The following RXFP1 variants were observed in gnomAD, a reference collection of about 807,000 sequenced individuals.
The protein encoded by RXFP1 is relaxin family peptide receptor 1.
A neutral mutation model predicts 89.8 loss-of-function variants in RXFP1; 73 were observed. The ratio of observed to expected loss-of-function variants is 0.81; its 90% confidence interval spans 0.67 to 0.99. RXFP1 has a LOEUF of 0.99. Among genes scored for constraint, RXFP1 ranks in the 50% least tolerant of loss-of-function variants. RXFP1 has a pLI of 0.00. For missense variants in RXFP1, 793 were observed against 895.5 expected (o/e 0.89, Z 1.46); for synonymous variants, 277 against 305.5 (o/e 0.91, Z 0.97).
chr4:158,536,292 T>C (rs1745262416), intron 1 of RXFP1, among the ~76,000 whole-genome samples: 1 of 152,224 alleles, frequency 6.6e-6, no homozygotes, highest in South Asian at 2.1e-4. Context: ...TATTTACATT[T>C]TAATCAATAG....
intron 3 of RXFP1, 96 bp downstream of exon 3, chr4:158,593,595 A>G: frequency 1.6e-6 from 1 of 629,116 alleles, no homozygotes; most frequent in Non-Finnish European, 2.6e-6. Context: ...TTGCATCTCA[A>G]TCTGGAAATC....
chr4:158,536,400 A>G (rs1745287083), intron 1 of RXFP1, among the ~76,000 whole-genome samples: 1 of 152,206 alleles, frequency 6.6e-6, no homozygotes. Flanking sequence ...ATGATGAAAC[A>G]GTGCTGAAAG....
At chr4:158,542,109 A>ATATATATATATATATATTTTTTTT in intron 1 of RXFP1, among the ~76,000 whole-genome samples, 18 of 35,232 alleles carry the variant, frequency 5.1e-4, no homozygotes, top group South Asian at 8.1e-4. Flanking sequence ...ATATATATAT[A>ATATATATATATATATATTTTTTTT]TTTTTTTTTT....
rs143784706 is a variant in RXFP1 at position 158,610,122 on chromosome 4, G to A, written c.537-2008G>A. ...CTACTAAAAATACAAAAAATTAGCCGGGCATGGTGGCACACGCCTGTAGTC... is the reference window on the plus strand; with the variant it reads ...CTACTAAAAATACAAAAAATTAGCCAGGCATGGTGGCACACGCCTGTAGTC... On this transcript the variant is annotated intron_variant, in intron 6 of 17. Coordinates refer to ENST00000307765, the MANE Select transcript of RXFP1 (RefSeq NM_021634.4). 9.0e-4 allele frequency among the ~76,000 whole-genome samples: 137 copies of A among 152,136 alleles called. 1 individual carries two copies. Among genetic ancestry groups the A allele is most frequent in the African/African-American group, 3.1e-3 (130 of 41,502 alleles).
intron 3 of RXFP1, 180 bp from the exon 4 acceptor site, chr4:158,599,146 G>A: frequency 2.2e-6 from 2 of 907,892 alleles, no homozygotes; most frequent in Non-Finnish European, 3.2e-6. Flanking sequence ...TCATTTTAAG[G>A]TTAAATTAAA....
intron 9 of RXFP1, among the ~76,000 whole-genome samples, chr4:158,626,117 TAGATAGATAG>T (rs1561157271): frequency 1.9e-5 from 1 of 54,030 alleles, no homozygotes; most frequent in Non-Finnish European, 4.3e-5. Context: ...TCTATATAGA[TAGATAGATAG>T]ATAGATAGAT....
At chr4:158,606,766 T>C (rs1004384672) in intron 5 of RXFP1, among the ~76,000 whole-genome samples, 1 of 151,300 alleles carries the variant, frequency 6.6e-6, no homozygotes, top group African/African-American at 2.4e-5. Context: ...TTTTTTTTTT[T>C]AGAGAGATAG....
At chr4:158,581,858 G>A (rs910317242) in intron 2 of RXFP1, among the ~76,000 whole-genome samples, 12 of 152,144 alleles carry the variant, frequency 7.9e-5, no homozygotes, top group African/African-American at 2.9e-4. Context: ...CAAAAAGCAG[G>A]GTACCAGCAT....
chr4:158,648,757 T>C (rs1161338299), intron 17 of RXFP1, 40 bp downstream of exon 17: 1 of 1,220,442 alleles, frequency 8.2e-7, no homozygotes. Flanking sequence ...ATAATAAATC[T>C]GTTTTTACAG....
In RXFP1 at chr4:158,540,495, G is replaced by A. The variant is rs1456068420; in HGVS notation, c.49+18470G>A. On this transcript the variant is annotated intron_variant, in intron 1 of 17. Transcript: ENST00000307765. ...CTTGTCACCATCTTGGTTTTGGAAG[G>A]TTTTGGCTGGCTTCTGTACCGCAAC... Among the ~76,000 whole-genome samples, 3 of 151,680 alleles carry A rather than the reference G, an allele frequency of 2.0e-5. No individual in the cohort carries two copies. In the East Asian group the frequency reaches 5.8e-4, roughly 29 times the overall value.
intron 9 of RXFP1, among the ~76,000 whole-genome samples, chr4:158,625,222 G>A (rs894094891): frequency 6.6e-6 from 1 of 152,124 alleles, no homozygotes; most frequent in Non-Finnish European, 1.5e-5. Flanking sequence ...AGCACTATAA[G>A]TGATTAGCTT....
At chr4:158,607,145 G>C (rs1386198291) in intron 5 of RXFP1, 1 of 1,530,052 alleles carries the variant, frequency 6.5e-7, no homozygotes, top group Admixed American at 2.0e-5. Context: ...AGTACACATA[G>C]AAGTGCAAAA....
intron 2 of RXFP1, among the ~76,000 whole-genome samples, chr4:158,585,011 G>C (rs182488234): frequency 6.6e-6 from 1 of 152,118 alleles, no homozygotes; most frequent in Non-Finnish European, 1.5e-5. Flanking sequence ...TTTCTAATTC[G>C]GTGCATCTGA....
intron 2 of RXFP1, among the ~76,000 whole-genome samples, chr4:158,583,853 C>A (rs935880444): frequency 6.6e-6 from 1 of 152,196 alleles, no homozygotes; most frequent in South Asian, 2.1e-4. Context: ...GATAATGTCA[C>A]ATCCTTTGAT....
chr4:158,525,928 A>G (rs1199531771), intron 1 of RXFP1, among the ~76,000 whole-genome samples: 2 of 152,232 alleles, frequency 1.3e-5, no homozygotes, highest in Non-Finnish European at 2.9e-5. Flanking sequence ...CTTAAATTAT[A>G]ATATAGAATT....
Position 158,652,017 on chromosome 4 carries a change from C to A in RXFP1, c.2236C>A (p.Leu746Met). 6.2e-7 allele frequency: 1 copy of A among 1,613,258 alleles called. No individual in the cohort carries two copies. Among genetic ancestry groups the A allele is most frequent in the East Asian group, 2.2e-5 (1 of 44,862 alleles). Residue 746 changes from leucine to methionine, a missense_variant, in exon 18 of 18, where the codon CTG becomes ATG. Transcript: ENST00000307765. Reference sequence around the variant, plus strand: ...TTTCACATACCCCTGTGAAATGTCACTGATTTCTCAATCAACGAGACTCAA... The same window carrying A: ...TTTCACATACCCCTGTGAAATGTCAATGATTTCTCAATCAACGAGACTCAA... ...DLFTYPCEMS[L>M]ISQSTRLNSY...
chr4:158,597,309 T>C (rs1760820801), intron 3 of RXFP1, among the ~76,000 whole-genome samples: 4 of 152,156 alleles, frequency 2.6e-5, no homozygotes. Flanking sequence ...AAATATAATA[T>C]CTATCATGAG....
At chr4:158,592,347 G>A (rs551287153) in intron 2 of RXFP1, among the ~76,000 whole-genome samples, 2 of 151,982 alleles carry the variant, frequency 1.3e-5, no homozygotes, top group Admixed American at 1.3e-4. Context: ...GCCGAGGCTG[G>A]TGGATCACCT....
At chr4:158,573,539 A>C in intron 2 of RXFP1, among the ~76,000 whole-genome samples, 1 of 151,922 alleles carries the variant, frequency 6.6e-6, no homozygotes, top group East Asian at 1.9e-4. Flanking sequence ...ATGTAAGTGT[A>C]TTTTATGTGT....
Sources: gnomAD v4.1 joint callset for allele counts (sites outside exome capture counted in the v4.1 genomes callset) on GRCh38, gnomAD v4.1.1 for gene constraint, MANE v1.5 for transcripts, NCBI Gene and HGNC (gene_info 2026-07-23, HGNC 2026-07-21) for gene names.